Variants in TRABD2B observed in about 807,000 individuals in gnomAD.
TRABD2B encodes the protein TraB domain containing 2B, also known as metalloprotease TIKI2.
TRABD2B carries 14 observed loss-of-function variants against 40.1 expected under a neutral mutation model. That is an observed-to-expected ratio of 0.35 (90% CI 0.23 to 0.55). The LOEUF is 0.55. Among genes scored for constraint, TRABD2B ranks in the 20% least tolerant of loss-of-function variants. The pLI is 0.90. For missense variants in TRABD2B, 541 were observed against 648.6 expected, an observed-to-expected ratio of 0.83 and a Z score of 1.80; for synonymous variants, 263 against 277.0, an observed-to-expected ratio of 0.95 and a Z score of 0.50.
intron 2 of TRABD2B, among the ~76,000 whole-genome samples, chr1:47,955,894 G>A (rs1247492878): frequency 6.6e-6 from 1 of 152,174 alleles, no homozygotes; most frequent in African/African-American, 2.4e-5. Flanking sequence ...AGTTATACCT[G>A]CAAGGAACTC....
At chr1:47,988,175 G>A (rs1004352707) in intron 2 of TRABD2B, among the ~76,000 whole-genome samples, 1 of 152,132 alleles carries the variant, frequency 6.6e-6, no homozygotes, top group Non-Finnish European at 1.5e-5. Context: ...CAGGAAATTA[G>A]AGAATGGTTC....
At chr1:47,799,042 G>A (rs926121220) in intron 3 of TRABD2B, among the ~76,000 whole-genome samples, 20 of 144,622 alleles carry the variant, frequency 1.4e-4, no homozygotes, top group African/African-American at 5.0e-4. Context: ...CTTCAAGTAC[G>A]GGAACTGTTG....
rs541294384 is a variant in TRABD2B, at chr1:47,847,322, T to C, written c.667-45703A>G. On this transcript the variant is annotated intron_variant, in intron 2 of 6. Coordinates refer to ENST00000606738, the MANE Select transcript of TRABD2B (RefSeq NM_001194986.2). ...ACAGGAAGGACTGGTCGCCTCTATG[T>C]TCTGAAAGCATGCAACTCCTTTTGG... is the stretch of plus-strand genomic sequence containing the variant. 2.6e-5 allele frequency among the ~76,000 whole-genome samples: 4 copies of C among 152,306 alleles called. No homozygotes were observed. The East Asian group carries it at 5.8e-4, about 22-fold the overall frequency.
chr1:47,808,129 T>C (rs1399516106), intron 2 of TRABD2B, among the ~76,000 whole-genome samples: 1 of 152,196 alleles, frequency 6.6e-6, no homozygotes, highest in Non-Finnish European at 1.5e-5. Flanking sequence ...ATCCGCTCAG[T>C]TGAAGGCCTT....
chr1:47,865,558 C>T (rs1644043438), intron 2 of TRABD2B, among the ~76,000 whole-genome samples: 1 of 152,032 alleles, frequency 6.6e-6, no homozygotes, highest in Non-Finnish European at 1.5e-5. Context: ...ATAGCATGGG[C>T]ACTTGTCCCA....
intron 2 of TRABD2B, among the ~76,000 whole-genome samples, chr1:47,930,449 C>T (rs915192378): frequency 1.3e-5 from 2 of 152,240 alleles, no homozygotes; most frequent in Admixed American, 6.5e-5. Flanking sequence ...CAGAACAAGG[C>T]CCCTGGTGGC....
intron 2 of TRABD2B, among the ~76,000 whole-genome samples, chr1:47,803,616 A>T (rs975755324): frequency 6.6e-6 from 1 of 152,214 alleles, no homozygotes; most frequent in African/African-American, 2.4e-5. Flanking sequence ...TACACAGCAT[A>T]GTTGTGGTGA....
At chr1:47,886,577 A>G (rs1345834007) in intron 2 of TRABD2B, among the ~76,000 whole-genome samples, 17 of 152,202 alleles carry the variant, frequency 1.1e-4, no homozygotes, top group Non-Finnish European at 2.5e-4. Context: ...TCTCCACCTC[A>G]GTGAACATGC....
intron 2 of TRABD2B, among the ~76,000 whole-genome samples, chr1:47,929,205 C>T (rs1645008218): frequency 6.6e-6 from 1 of 152,200 alleles, no homozygotes; most frequent in South Asian, 2.1e-4. Context: ...ACAGAATTTA[C>T]AGAGGTCCTG....
chr1:47,783,702 TC>T (rs1244777359), intron 4 of TRABD2B, among the ~76,000 whole-genome samples: 4 of 152,144 alleles, frequency 2.6e-5, no homozygotes, highest in Non-Finnish European at 5.9e-5. Context: ...AGAAAAAGAC[TC>T]CCTTTCTCCT....
intron 2 of TRABD2B, among the ~76,000 whole-genome samples, chr1:47,905,291 G>A (rs1369863065): frequency 6.6e-6 from 1 of 152,204 alleles, no homozygotes; most frequent in African/African-American, 2.4e-5. Context: ...CAAGACCTGG[G>A]GACTACTATG....
At chr1:47,939,928 G>C (rs2148359041) in intron 2 of TRABD2B, among the ~76,000 whole-genome samples, 1 of 152,234 alleles carries the variant, frequency 6.6e-6, no homozygotes, top group Admixed American at 6.5e-5. Flanking sequence ...ACTGAATCCA[G>C]AGTGGTCCTT....
chr1:47,858,238 ATTTTATT>A (rs1385979403), intron 2 of TRABD2B, among the ~76,000 whole-genome samples: 1 of 68,430 alleles, frequency 1.5e-5, no homozygotes, highest in Non-Finnish European at 3.3e-5. Context: ...ATTTTATTTT[ATTTTATT>A]TTATTTTATT....
Position 47,828,529 on chromosome 1 carries a change from G to A in TRABD2B, c.667-26910C>T, listed in dbSNP as rs112176039. 5.8e-4 allele frequency among the ~76,000 whole-genome samples: 88 copies of A among 152,320 alleles called. 4 individuals carry two copies. The highest frequency in any genetic ancestry group is 2.1e-3 in the African/African-American group (87 of 41,576). ...TTGAGGAACATATGACCTACGGTTT[G>A]TAGAACAAATAATAAAGGAAAAATA... On this transcript the variant is annotated intron_variant, in intron 2 of 6. Transcript: ENST00000606738.
chr1:47,983,226 A>T (rs1004806909), intron 2 of TRABD2B, among the ~76,000 whole-genome samples: 1 of 152,210 alleles, frequency 6.6e-6, no homozygotes, highest in Non-Finnish European at 1.5e-5. Context: ...AAACTAACAC[A>T]GGGACAGAAA....
intron 2 of TRABD2B, among the ~76,000 whole-genome samples, chr1:47,943,309 T>G (rs533569221): frequency 3.3e-5 from 5 of 152,194 alleles, no homozygotes; most frequent in Non-Finnish European, 7.3e-5. Context: ...AACTGTAAAA[T>G]GTAATTAATA....
intron 2 of TRABD2B, among the ~76,000 whole-genome samples, chr1:47,870,345 G>C (rs1644122623): frequency 6.6e-6 from 1 of 152,146 alleles, no homozygotes; most frequent in African/African-American, 2.4e-5. Flanking sequence ...AAACTGATGG[G>C]AATTCTGTGT....
At chr1:47,950,327 T>A (rs1645324513) in intron 2 of TRABD2B, among the ~76,000 whole-genome samples, 1 of 151,198 alleles carries the variant, frequency 6.6e-6, no homozygotes, top group Non-Finnish European at 1.5e-5. Context: ...AAGAGAGAGG[T>A]AAGGTGTTCA....
chr1:47,787,129 G>A (rs980165539), intron 4 of TRABD2B, among the ~76,000 whole-genome samples: 2 of 152,190 alleles, frequency 1.3e-5, no homozygotes, highest in Non-Finnish European at 1.5e-5. Context: ...TGGGGAAGGA[G>A]GTTGGTGTGG....
Sources: allele counts gnomAD v4.1 joint callset (sites outside exome capture counted in the v4.1 genomes callset), GRCh38; gene constraint gnomAD v4.1.1; transcripts MANE v1.5; gene names NCBI Gene and HGNC (gene_info 2026-07-23, HGNC 2026-07-21).